The following ATP10B variants were observed in gnomAD, a reference collection of about 807,000 sequenced individuals.
ATP10B encodes ATPase phospholipid transporting 10B (putative).
In ATP10B, 122 loss-of-function variants were observed where a neutral mutation model predicts 141.2. The observed-to-expected ratio is 0.86, with a 90% confidence interval of 0.75 to 1.00. The LOEUF (loss-of-function observed/expected upper bound fraction) is 1.00, where lower values mean the gene tolerates loss of function less well. ATP10B is among the 50% of genes least tolerant of loss of function. The pLI is 0.00. For synonymous variants in ATP10B, 685 were observed against 692.0 expected, an observed-to-expected ratio of 0.99 and a Z score of 0.16; for missense variants, 1,876 against 1,825.3, an observed-to-expected ratio of 1.03 and a Z score of -0.51.
At chr5:160,657,022 G>A (rs567834754) in intron 7 of ATP10B, among the ~76,000 whole-genome samples, 10 of 152,164 alleles carry the variant, frequency 6.6e-5, no homozygotes, top group African/African-American at 2.4e-4. Context: ...ACAACCTGGG[G>A]ATAAGGATAG....
At chr5:160,636,956 C>G (rs1376363885) in intron 10 of ATP10B, among the ~76,000 whole-genome samples, 1 of 151,514 alleles carries the variant, frequency 6.6e-6, no homozygotes, top group Non-Finnish European at 1.5e-5. Context: ...ATCTACTCAC[C>G]CATCTATCCA....
chr5:160,812,622 A>T (rs2127949065), intron 1 of ATP10B, among the ~76,000 whole-genome samples: 1 of 152,332 alleles, frequency 6.6e-6, no homozygotes, highest in African/African-American at 2.4e-5. Context: ...TGAAGGATTC[A>T]TCAGAGTCTT....
intron 1 of ATP10B, among the ~76,000 whole-genome samples, chr5:160,800,458 G>A (rs1772301055): frequency 6.6e-6 from 1 of 152,176 alleles, no homozygotes; most frequent in Non-Finnish European, 1.5e-5. Flanking sequence ...GAAAAGCAGA[G>A]AAGTCAGAAA....
intron 1 of ATP10B, among the ~76,000 whole-genome samples, chr5:160,823,544 C>T (rs1263988978): frequency 6.6e-6 from 1 of 152,190 alleles, no homozygotes; most frequent in East Asian, 1.9e-4. Context: ...TAACCCAGAA[C>T]TTAAAATTAA....
At chr5:160,652,832 T>A (rs1760879121) in intron 7 of ATP10B, among the ~76,000 whole-genome samples, 1 of 102,890 alleles carries the variant, frequency 9.7e-6, no homozygotes, top group African/African-American at 3.9e-5. Flanking sequence ...TAATTATATA[T>A]AATATATATT....
intron 21 of ATP10B, among the ~76,000 whole-genome samples, chr5:160,600,920 G>A (rs1204161572): frequency 6.6e-6 from 1 of 152,190 alleles, no homozygotes; most frequent in Non-Finnish European, 1.5e-5. Context: ...GCAATTTTGA[G>A]CATGGCATTG....
At chr5:160,833,054 G>C (rs1387015170) in intron 1 of ATP10B, among the ~76,000 whole-genome samples, 1 of 152,164 alleles carries the variant, frequency 6.6e-6, no homozygotes, top group Admixed American at 6.6e-5. Context: ...TCTCTGAGGA[G>C]CCTGGGAACT....
chr5:160,769,298 A>C (rs4479880), intron 2 of ATP10B, among the ~76,000 whole-genome samples: 73,625 of 152,072 alleles, frequency 0.48, 18,279 homozygotes, highest in East Asian at 0.64. Flanking sequence ...TGTTTATTAT[A>C]AAGATTGACA....
At chr5:160,843,339 G>A (rs1441369904) in intron 1 of ATP10B, among the ~76,000 whole-genome samples, 2 of 152,054 alleles carry the variant, frequency 1.3e-5, no homozygotes, top group East Asian at 1.9e-4. Context: ...GGTCAGCCTT[G>A]AGTACTTAAT....
chr5:160,747,347 C>T (rs747961344), intron 2 of ATP10B, among the ~76,000 whole-genome samples: 1 of 152,140 alleles, frequency 6.6e-6, no homozygotes, highest in Non-Finnish European at 1.5e-5. Context: ...GATAGCAGTC[C>T]TCTAAACAGC....
At chr5:160,789,631 T>G (rs1435822727) in intron 1 of ATP10B, among the ~76,000 whole-genome samples, 1 of 152,208 alleles carries the variant, frequency 6.6e-6, no homozygotes, top group Non-Finnish European at 1.5e-5. Context: ...GGCACTGTGC[T>G]AAGCACTTTG....
At chr5:160,760,218 C>G (rs1265005988) in intron 2 of ATP10B, among the ~76,000 whole-genome samples, 1 of 152,192 alleles carries the variant, frequency 6.6e-6, no homozygotes, top group Non-Finnish European at 1.5e-5. Context: ...CTAACAGGCA[C>G]TTTACAAACA....
At chr5:160,678,888 C>T (rs898227073) in intron 6 of ATP10B, among the ~76,000 whole-genome samples, 7 of 152,176 alleles carry the variant, frequency 4.6e-5, no homozygotes, top group African/African-American at 1.7e-4. Context: ...CCCTCCATGC[C>T]AAGCATCCAG....
chr5:160,919,104 G>T, the ATP10B span, among the ~76,000 whole-genome samples: 3 of 149,262 alleles, frequency 2.0e-5, no homozygotes, highest in African/African-American at 7.5e-5. Flanking sequence ...CGCACCTGTA[G>T]TCCCAGCTAC....
intron 19 of ATP10B, among the ~76,000 whole-genome samples, chr5:160,606,165 T>C (rs945609286): frequency 6.6e-6 from 1 of 152,234 alleles, no homozygotes. Flanking sequence ...TGGTTGTTCC[T>C]GAAAGGTGTT....
chr5:160,815,166 G>A (rs1393798480), intron 1 of ATP10B, among the ~76,000 whole-genome samples: 1 of 152,148 alleles, frequency 6.6e-6, no homozygotes, highest in Non-Finnish European at 1.5e-5. Context: ...GGGCTAAAAT[G>A]CTCCAATTAA....
intron 13 of ATP10B, among the ~76,000 whole-genome samples, chr5:160,630,216 G>C (rs1309962807): frequency 1.3e-5 from 2 of 152,164 alleles, no homozygotes; most frequent in African/African-American, 4.8e-5. Context: ...TTTCCTTACT[G>C]CTCCTGAATG....
chr5:160,818,283 G>A (rs1773833668), intron 1 of ATP10B, among the ~76,000 whole-genome samples: 1 of 152,170 alleles, frequency 6.6e-6, no homozygotes, highest in Non-Finnish European at 1.5e-5. Context: ...AATCTACAAT[G>A]AACTCAAACA....
chr5:160,707,904 T>G (rs1765110882), intron 3 of ATP10B, among the ~76,000 whole-genome samples: 1 of 152,112 alleles, frequency 6.6e-6, no homozygotes, highest in African/African-American at 2.4e-5. Flanking sequence ...ACTACAAGCT[T>G]GAAGAAGAAT....
Sources: allele counts gnomAD v4.1 joint callset (sites outside exome capture counted in the v4.1 genomes callset), GRCh38; gene constraint gnomAD v4.1.1; transcripts MANE v1.5; gene names NCBI Gene and HGNC (gene_info 2026-07-23, HGNC 2026-07-21).